MINAR1: variants seen among roughly 807,000 people sequenced by gnomAD.
MINAR1 encodes the protein membrane integral NOTCH2 associated receptor 1.
In MINAR1, 40 loss-of-function variants were observed where a neutral mutation model predicts 65.1. The ratio of observed to expected loss-of-function variants is 0.61; its 90% CI spans 0.48 to 0.80. MINAR1 has a LOEUF of 0.80. Ranked by LOEUF, MINAR1 falls within the 30% of genes least tolerant of loss-of-function variation. The pLI, the probability that MINAR1 is intolerant of heterozygous loss-of-function variation, is 0.00. For missense variants in MINAR1, 1,128 were observed against 1,148.0 expected, an observed-to-expected ratio of 0.98 and a Z score of 0.25; for synonymous variants, 482 against 449.1, an observed-to-expected ratio of 1.07 and a Z score of -0.93.
chr15:79,455,955 T>G, intron 1 of MINAR1, 143 bp from the exon 2 acceptor site: 2 of 562,900 alleles, frequency 3.6e-6, no homozygotes, highest in Non-Finnish European at 6.2e-6. Flanking sequence ...TTATGAATAT[T>G]TTTACTGTCC....
rs553890157 is a variant in MINAR1, at chr15:79,463,840, G to A, written c.2553+519G>A. ...TTTTGTTCACCCACAAGCAGGGCTGGGTTTTGGCCACACTTTTATTTTGGT... is the reference window on the plus strand; with the variant it reads ...TTTTGTTCACCCACAAGCAGGGCTGAGTTTTGGCCACACTTTTATTTTGGT... On this transcript the variant is annotated intron_variant, in intron 3 of 3. Coordinates refer to ENST00000305428, the MANE Select transcript of MINAR1 (RefSeq NM_015206.3). The A allele has an allele frequency of 9.8e-5, 43 of 438,688 alleles. 1 individual carries two copies. The highest frequency in any genetic ancestry group is 6.8e-4 in the South Asian group (42 of 62,124). 27.2% of individuals were successfully genotyped at this position (438,688 alleles called of 1,614,324 possible).
chr15:79,455,617 A>C (rs1028340494), intron 1 of MINAR1, among the ~76,000 whole-genome samples: 3 of 152,200 alleles, frequency 2.0e-5, no homozygotes, highest in African/African-American at 7.2e-5. Flanking sequence ...TTAAGATGGA[A>C]TCATGCAGTG....
rs1895991172 is a variant in MINAR1 at position 79,469,393 on chromosome 15, A to G, written c.*1009A>G. 6.6e-6 allele frequency: 1 copy of G among 152,586 alleles called. No homozygotes were observed. The highest frequency in any genetic ancestry group is 2.1e-4 in the South Asian group (1 of 4,828). The allele number at this position is 152,586 out of a possible 1,614,324, so 9.5% of individuals were successfully genotyped here. On this transcript the variant is annotated 3_prime_UTR_variant, in exon 4 of 4. Coordinates refer to ENST00000305428, the MANE Select transcript of MINAR1 (RefSeq NM_015206.3). ...TGCCATTTTCAATGGCTTTAAAAAG[A>G]TTTTGAAAGCTTGCTCAATAATGTT... is the stretch of plus-strand genomic sequence containing the variant.
chr15:79,457,657 A>G lies in MINAR1; in HGVS notation c.1510A>G (p.Met504Val). ...GQGKYSDRHT[M>V]KHSDDDSEIV... ...GGGCAAGTACAGTGACAGGCACACC[A>G]TGAAGCACTCAGACGATGACTCAGA... The change falls in exon 2 of 4, where the codon ATG (methionine) becomes GTG (valine). Residue 504 changes from methionine to valine, a missense_variant. By Grantham distance (21) the Met-to-Val change is conservative. Coordinates refer to ENST00000305428, the MANE Select transcript of MINAR1 (RefSeq NM_015206.3). 1 of 1,614,210 alleles carries G rather than the reference A, an allele frequency of 6.2e-7. No individual in the cohort carries two copies. The highest frequency in any genetic ancestry group is 8.5e-7 in the Non-Finnish European group (1 of 1,180,038).
chr15:79,458,137 T>C lies in MINAR1; in HGVS notation c.1990T>C (p.Phe664Leu), dbSNP rs1245634843. ...PSDDSASPRM[F>L]HAHSGSHGPK... is the part of the protein sequence containing the mutation. Reference sequence around the variant, plus strand: ...TGATGACAGTGCCTCTCCCCGGATGTTCCACGCACACAGTGGCTCCCACGG... The same window carrying C: ...TGATGACAGTGCCTCTCCCCGGATGCTCCACGCACACAGTGGCTCCCACGG... The change falls in exon 2 of 4, where the codon TTC becomes CTC. Residue 664 changes from phenylalanine to leucine, a missense_variant. Transcript: ENST00000305428. 1 of 1,614,118 alleles carries C rather than the reference T, an allele frequency of 6.2e-7. No individual in the cohort carries two copies. The highest frequency in any genetic ancestry group is 1.7e-5 in the Admixed American group (1 of 60,032).
chr15:79,447,432 A>G (rs897566357), intron 1 of MINAR1, among the ~76,000 whole-genome samples: 4 of 151,468 alleles, frequency 2.6e-5, no homozygotes, highest in African/African-American at 9.8e-5. Flanking sequence ...ACTTATTTTA[A>G]GTATATTTGT....
upstream of MINAR1, among the ~76,000 whole-genome samples, chr15:79,430,889 A>G (rs922605972): frequency 4.8e-5 from 7 of 145,950 alleles, no homozygotes; most frequent in African/African-American, 2.0e-4. Flanking sequence ...TTTTGTTTTT[A>G]AAAAACTTTT....
chr15:79,413,352 T>G, the MINAR1 span: 2 of 152,248 alleles, frequency 1.3e-5, no homozygotes, highest in Admixed American at 1.3e-4. Context: ...AGCTCTGTGA[T>G]CCACCCAATT....
intron 1 of MINAR1, among the ~76,000 whole-genome samples, chr15:79,448,267 C>T (rs1223943697): frequency 6.6e-6 from 1 of 152,202 alleles, no homozygotes; most frequent in Non-Finnish European, 1.5e-5. Flanking sequence ...TTGAGCTCTG[C>T]AGGTATACGT....
upstream of MINAR1, among the ~76,000 whole-genome samples, chr15:79,429,579 C>T (rs892343623): frequency 5.3e-5 from 8 of 152,234 alleles, no homozygotes; most frequent in East Asian, 1.9e-4. Context: ...TTCTTGTCTT[C>T]GTGATCTGGT....
At chr15:79,468,164 T>C in intron 3 of MINAR1, 23 bp from the exon 4 acceptor site, 1 of 1,597,830 alleles carries the variant, frequency 6.3e-7, no homozygotes, top group Non-Finnish European at 8.6e-7. Context: ...ACTGTATTTC[T>C]AACATCTTCT....
the MINAR1 span, chr15:79,413,249 A>G: frequency 1.3e-5 from 2 of 152,346 alleles, no homozygotes; most frequent in South Asian, 4.1e-4. Flanking sequence ...GATTTTTAAA[A>G]AAGAGATTCA....
intron 1 of MINAR1, among the ~76,000 whole-genome samples, chr15:79,447,074 G>A (rs1238332853): frequency 6.6e-6 from 1 of 152,078 alleles, no homozygotes; most frequent in Non-Finnish European, 1.5e-5. Flanking sequence ...TTTTAGTAGA[G>A]ACAGGGTTTC....
chr15:79,416,425 G>A, the MINAR1 span: 1 of 152,238 alleles, frequency 6.6e-6, no homozygotes, highest in Admixed American at 6.5e-5. Flanking sequence ...TGCCCATTAT[G>A]AGAAATTCCT....
intron 1 of MINAR1, 104 bp from the exon 2 acceptor site, chr15:79,455,994 T>C: frequency 1.6e-6 from 1 of 639,732 alleles, no homozygotes; most frequent in Non-Finnish European, 2.6e-6. Context: ...TTAAAATGTT[T>C]TTCTCTGTAT....
intron 2 of MINAR1, among the ~76,000 whole-genome samples, chr15:79,459,752 A>T (rs1895579956): frequency 6.6e-6 from 1 of 152,182 alleles, no homozygotes; most frequent in Non-Finnish European, 1.5e-5. Flanking sequence ...CCTGATTTTA[A>T]ATAAACCTCT....
intron 1 of MINAR1, among the ~76,000 whole-genome samples, chr15:79,435,932 A>T (rs1318660833): frequency 6.6e-6 from 1 of 152,204 alleles, no homozygotes; most frequent in East Asian, 1.9e-4. Flanking sequence ...ACATGGTAAG[A>T]TTGCATTTTC....
chr15:79,440,617 C>A (rs1327765849), intron 1 of MINAR1, among the ~76,000 whole-genome samples: 6 of 152,152 alleles, frequency 3.9e-5, no homozygotes, highest in African/African-American at 1.2e-4. Flanking sequence ...TTCATAAAAT[C>A]TGCTCTTCCG....
intron 1 of MINAR1, among the ~76,000 whole-genome samples, chr15:79,440,670 C>T (rs1894844588): frequency 6.6e-6 from 1 of 152,154 alleles, no homozygotes; most frequent in African/African-American, 2.4e-5. Flanking sequence ...CCCCGCTCCT[C>T]CCCACCACCC....
Sources: gnomAD v4.1 joint callset for allele counts (sites outside exome capture counted in the v4.1 genomes callset) on GRCh38, gnomAD v4.1.1 for gene constraint, MANE v1.5 for transcripts, NCBI Gene and HGNC (gene_info 2026-07-23, HGNC 2026-07-21) for gene names.